The following DLG2 variants were observed in gnomAD, a reference collection of about 807,000 sequenced individuals.
DLG2 encodes discs large MAGUK scaffold protein 2, also known as disks large homolog 2.
A neutral mutation model predicts 132.5 loss-of-function variants in DLG2; 45 were observed. That is an observed-to-expected ratio of 0.34 (90% CI 0.27 to 0.44). DLG2 has a LOEUF of 0.44. Among genes scored for constraint, DLG2 ranks in the 20% least tolerant of loss-of-function variants. The probability of loss-of-function intolerance (pLI) is 1.00; values close to 1 mark genes in which losing one functional copy is unlikely to be tolerated. For synonymous variants in DLG2, 424 were observed against 419.6 expected (o/e 1.01, Z -0.13); for missense variants, 1,045 against 1,196.9 (o/e 0.87, Z 1.87).
At chr11:85,600,494 T>C (rs965178374) in intron 2 of DLG2, among the ~76,000 whole-genome samples, 1 of 152,244 alleles carries the variant, frequency 6.6e-6, no homozygotes, top group Non-Finnish European at 1.5e-5. Context: ...ATAATTTTAC[T>C]GACACAAGGA....
chr11:83,722,348 A>C (rs1410549416), intron 18 of DLG2, among the ~76,000 whole-genome samples: 1 of 152,186 alleles, frequency 6.6e-6, no homozygotes, highest in East Asian at 1.9e-4. Context: ...TACGGCAACA[A>C]TTAATTCTAA....
At chr11:85,473,477 T>C (rs932192551) in intron 3 of DLG2, among the ~76,000 whole-genome samples, 1 of 152,170 alleles carries the variant, frequency 6.6e-6, no homozygotes, top group Non-Finnish European at 1.5e-5. Flanking sequence ...AAGAACTATA[T>C]TTTTTAAAAA....
rs117957348 is a variant in DLG2, at chr11:85,445,400, G to A, written c.40+153257C>T. On this transcript the variant is annotated intron_variant, in intron 3 of 27. Coordinates refer to ENST00000376104, the MANE Select transcript of DLG2 (RefSeq NM_001142699.3). ...AGTCTCAAAATTGAAAGCACTGGCCGGGCGCGGTGGCTCATGCCTGTAATC... is the reference window on the plus strand; with the variant it reads ...AGTCTCAAAATTGAAAGCACTGGCCAGGCGCGGTGGCTCATGCCTGTAATC... Among the ~76,000 whole-genome samples the A allele has an allele frequency of 1.3e-3, 195 of 152,280 alleles. 3 individuals are homozygous for A. In the East Asian group the frequency reaches 0.031, roughly 24 times the overall value.
At chr11:83,473,573 C>T (rs1047110811) in intron 22 of DLG2, among the ~76,000 whole-genome samples, 7 of 151,926 alleles carry the variant, frequency 4.6e-5, no homozygotes, top group Admixed American at 4.6e-4. Context: ...AGGATTAGCT[C>T]AATTTCACCT....
At chr11:84,208,292 G>A (rs944880593) in intron 8 of DLG2, among the ~76,000 whole-genome samples, 1 of 151,478 alleles carries the variant, frequency 6.6e-6, no homozygotes, top group African/African-American at 2.4e-5. Context: ...AGGACCTCTA[G>A]AGACTGTGTT....
intron 7 of DLG2, among the ~76,000 whole-genome samples, chr11:84,350,241 T>C (rs895564053): frequency 2.0e-5 from 3 of 150,040 alleles, no homozygotes; most frequent in Non-Finnish European, 4.4e-5. Flanking sequence ...TTTCAACAGG[T>C]TTTTAACCTG....
chr11:85,291,585 CTTT>C (rs11436726), intron 3 of DLG2, among the ~76,000 whole-genome samples: 3 of 138,770 alleles, frequency 2.2e-5, no homozygotes, highest in Admixed American at 1.4e-4. Flanking sequence ...GGATTCTCTT[CTTT>C]TTTTTTTTTT....
chr11:83,475,742 C>T (rs984256510), intron 22 of DLG2, among the ~76,000 whole-genome samples: 1 of 149,516 alleles, frequency 6.7e-6, no homozygotes, highest in Non-Finnish European at 1.5e-5. Flanking sequence ...TTTTCTCTCT[C>T]TTTCTTTCTT....
chr11:84,762,278 C>T (rs1045871364), intron 6 of DLG2: 1 of 152,186 alleles, frequency 6.6e-6, no homozygotes. Context: ...TTTTTGACAT[C>T]TTAAGTCTTC....
intron 15 of DLG2, among the ~76,000 whole-genome samples, chr11:83,916,152 T>G (rs2076884482): frequency 6.6e-6 from 1 of 152,164 alleles, no homozygotes; most frequent in Non-Finnish European, 1.5e-5. Flanking sequence ...CATCAGCTGA[T>G]GGGCATTTGG....
rs1040183329 is a variant in DLG2 at position 84,594,096 on chromosome 11, G to C, written c.358-59365C>G. ...ATCTTAGAGGAAGGAAAGAATGGTT[G>C]AGAGAAGACTTTATATCCTTAGAAT... On this transcript the variant is annotated intron_variant, in intron 6 of 27. Transcript: ENST00000376104. Among the ~76,000 whole-genome samples, 10 of 152,234 alleles carry C rather than the reference G, an allele frequency of 6.6e-5. 3 individuals carry two copies. Among genetic ancestry groups the C allele is most frequent in the Admixed American group, 6.5e-4 (10 of 15,292 alleles).
chr11:84,942,594 A>T (rs1162582738), intron 6 of DLG2, among the ~76,000 whole-genome samples: 1 of 152,182 alleles, frequency 6.6e-6, no homozygotes, highest in Non-Finnish European at 1.5e-5. Flanking sequence ...GATATTTTAA[A>T]TTATTACAAT....
chr11:84,465,482 T>A lies in DLG2; in HGVS notation c.519+69088A>T, dbSNP rs572535580. On this transcript the variant is annotated intron_variant, in intron 7 of 27. Coordinates refer to ENST00000376104, the MANE Select transcript of DLG2 (RefSeq NM_001142699.3). ...CATGAGAGACAATGAGAGTGGGCCA[T>A]AGAGACAATGATAGAGACTTTCCCC... 3.3e-5 allele frequency among the ~76,000 whole-genome samples: 5 copies of A among 151,330 alleles called. No homozygotes were observed. The South Asian group carries it at 6.2e-4, about 19-fold the overall frequency.
At chr11:84,006,880 T>A (rs1409773817) in intron 11 of DLG2, among the ~76,000 whole-genome samples, 2 of 151,680 alleles carry the variant, frequency 1.3e-5, no homozygotes, top group Non-Finnish European at 1.5e-5. Flanking sequence ...ACACTGACTG[T>A]TTGTCATATC....
chr11:83,544,657 G>A (rs1483421605), intron 19 of DLG2, among the ~76,000 whole-genome samples: 1 of 152,118 alleles, frequency 6.6e-6, no homozygotes, highest in African/African-American at 2.4e-5. Flanking sequence ...TACTACTTAC[G>A]CCCTTATTAG....
chr11:84,812,695 C>A (rs948712898), intron 6 of DLG2, among the ~76,000 whole-genome samples: 12 of 152,136 alleles, frequency 7.9e-5, no homozygotes, highest in African/African-American at 2.7e-4. Flanking sequence ...CTGAATGCTT[C>A]TTTAAAACAA....
chr11:84,150,649 T>C (rs2095264988), intron 9 of DLG2, among the ~76,000 whole-genome samples: 1 of 152,176 alleles, frequency 6.6e-6, no homozygotes, highest in South Asian at 2.1e-4. Context: ...TCAAGTACCA[T>C]GTTGTAAGAG....
Position 83,461,982 on chromosome 11 carries a change from C to T in DLG2, c.2821+20G>A. On this transcript the variant is annotated intron_variant, in intron 27 of 27. Coordinates refer to ENST00000376104, the MANE Select transcript of DLG2 (RefSeq NM_001142699.3). ...CAATTTATCCCCTTTCTCACACTAC[C>T]AGGGTAAAAGTGAACTTACCTGTAA... 6.7e-7 allele frequency: 1 copy of T among 1,503,192 alleles called. No individual in the cohort carries two copies. The highest frequency in any genetic ancestry group is 9.3e-7 in the Non-Finnish European group (1 of 1,079,114). The allele number at this position is 1,503,192 out of a possible 1,614,324, so 93.1% of individuals were successfully genotyped here.
chr11:84,461,808 GTAGA>G (rs2099081046), intron 7 of DLG2, among the ~76,000 whole-genome samples: 1 of 150,672 alleles, frequency 6.6e-6, no homozygotes, highest in Admixed American at 6.6e-5. Context: ...TTTTCCTGTG[GTAGA>G]TAGAGCAATT....
Sources: gnomAD v4.1 joint callset for allele counts (sites outside exome capture counted in the v4.1 genomes callset) on GRCh38, gnomAD v4.1.1 for gene constraint, MANE v1.5 for transcripts, NCBI Gene and HGNC (gene_info 2026-07-23, HGNC 2026-07-21) for gene names.